The following CWC15 variants were observed in gnomAD, a reference collection of about 807,000 sequenced individuals.
The protein encoded by CWC15 is spliceosome-associated protein CWC15 homolog.
Under a neutral mutation model 28.4 loss-of-function variants are expected in CWC15, and 12 were observed. The observed-to-expected ratio is 0.42, with a 90% CI of 0.27 to 0.69. The LOEUF is 0.69. CWC15 is among the 30% of genes least tolerant of loss of function. The pLI, the probability that CWC15 is intolerant of heterozygous loss-of-function variation, is 0.23. For missense variants in CWC15, 192 were observed against 271.5 expected, an observed-to-expected ratio of 0.71 and a Z score of 2.06; for synonymous variants, 92 against 88.4, an observed-to-expected ratio of 1.04 and a Z score of -0.23.
At chr11:94,971,122 T>C (rs1405536018) in intron 3 of CWC15, 57 bp from the exon 4 acceptor site, 1 of 1,467,702 alleles carries the variant, frequency 6.8e-7, no homozygotes, top group African/African-American at 1.4e-5. Context: ...TTTCTTAAAA[T>C]GTTTTAGGGA....
chr11:94,964,439 A>G (rs587688855), intron 6 of CWC15, among the ~76,000 whole-genome samples: 4 of 152,368 alleles, frequency 2.6e-5, no homozygotes, highest in Admixed American at 1.3e-4. Flanking sequence ...GAGCAGATCA[A>G]TATGACTGGG....
intron 5 of CWC15, among the ~76,000 whole-genome samples, chr11:94,967,567 T>C (rs2134100452): frequency 6.6e-6 from 1 of 152,310 alleles, no homozygotes; most frequent in Non-Finnish European, 1.5e-5. Flanking sequence ...GATGACTTAA[T>C]AGATCAAGGA....
In CWC15 at chr11:94,967,855, C is replaced by T. The variant is rs187905778; in HGVS notation, c.442-1442G>A. On this transcript the variant is annotated intron_variant, in intron 5 of 6. Coordinates refer to ENST00000279839, the MANE Select transcript of CWC15 (RefSeq NM_016403.4). Reference sequence around the variant, plus strand: ...TATATTTATTTGTAACAAATTATACCGATGCTTAAAGGGAAAAGATATTTC... The same window carrying T: ...TATATTTATTTGTAACAAATTATACTGATGCTTAAAGGGAAAAGATATTTC... Among the ~76,000 whole-genome samples the T allele has an allele frequency of 1.9e-3, 286 of 151,978 alleles. 1 individual carries two copies. Among genetic ancestry groups the T allele is most frequent in the African/African-American group, 6.7e-3 (278 of 41,474 alleles).
intron 3 of CWC15, 31 bp downstream of exon 3, chr11:94,971,344 A>G: frequency 6.6e-7 from 1 of 1,511,382 alleles, no homozygotes; most frequent in Non-Finnish European, 9.1e-7. Flanking sequence ...ACATAATTTT[A>G]TGAGACAAAT....
chr11:94,970,780 T>A, intron 4 of CWC15, 197 bp downstream of exon 4: 1 of 569,966 alleles, frequency 1.8e-6, no homozygotes, highest in East Asian at 3.0e-5. Context: ...GAGATCAAAC[T>A]TGTTCTTAAA....
chr11:94,969,237 TA>T lies in CWC15; in HGVS notation c.441+751del, dbSNP rs1337498440. 7.2e-5 allele frequency among the ~76,000 whole-genome samples: 11 copies of T among 152,206 alleles called. No homozygotes were observed. In the East Asian group the frequency reaches 2.1e-3, roughly 29 times the overall value. On this transcript the variant is annotated intron_variant, in intron 5 of 6. Transcript: ENST00000279839. ...CAATTCCAACTCCTATCATACAAGC[TA>T]AGAGTCTCTTAATTGGGAGGATTAC...
Position 94,971,029 on chromosome 11 carries a change from C to T in CWC15, c.281G>A (p.Arg94Gln), listed in dbSNP as rs1268867996. 7 of 1,613,772 alleles carry T rather than the reference C, an allele frequency of 4.3e-6. No homozygotes were observed. Among genetic ancestry groups the T allele is most frequent in the Admixed American group, 3.3e-5 (2 of 60,014 alleles). ...TTSSSVSKKP[R>Q]LDQIPAANLD... ...GTTGGCGGCAGGAATCTGGTCTAAC[C>T]GTGGCTTTTTTGACACTGAAGAGGA... Residue 94 changes from arginine (R) to glutamine (Q), a missense_variant, in exon 4 of 7, where the codon CGG (arginine) becomes CAG (glutamine). Physicochemically the swap from Arg to Gln is conservative, Grantham distance 43. Around this residue, in one of 2 missense-constraint regions of CWC15, gnomAD observed 188 missense variants for 250.3 expected, o/e 0.75. Coordinates refer to ENST00000279839, the MANE Select transcript of CWC15 (RefSeq NM_016403.4).
intron 5 of CWC15, among the ~76,000 whole-genome samples, chr11:94,967,138 C>G (rs1279756362): frequency 6.6e-6 from 1 of 151,910 alleles, no homozygotes; most frequent in Non-Finnish European, 1.5e-5. Context: ...CTCCACCTCC[C>G]AGGTTCAAGT....
chr11:94,970,527 T>TA (rs1555096015), intron 4 of CWC15: 1 of 174,064 alleles, frequency 5.7e-6, no homozygotes, highest in African/African-American at 2.4e-5. Flanking sequence ...ACCTTCTGCT[T>TA]AGATTACTTC....
intron 5 of CWC15, among the ~76,000 whole-genome samples, 159 bp downstream of exon 5, chr11:94,969,830 A>T (rs1201959257): frequency 6.6e-6 from 1 of 152,182 alleles, no homozygotes; most frequent in Non-Finnish European, 1.5e-5. Flanking sequence ...GATACCTAGG[A>T]TGTCATAAAA....
intron 6 of CWC15, among the ~76,000 whole-genome samples, chr11:94,964,120 A>AATAC (rs1555094846): frequency 6.6e-6 from 1 of 152,144 alleles, no homozygotes; most frequent in Non-Finnish European, 1.5e-5. Flanking sequence ...ATAATGTATA[A>AATAC]GCACGAAAAA....
chr11:94,971,345 T>C (rs1857716579), intron 3 of CWC15, 30 bp downstream of exon 3: 1 of 1,514,584 alleles, frequency 6.6e-7, no homozygotes, highest in Non-Finnish European at 9.1e-7. Flanking sequence ...CATAATTTTA[T>C]GAGACAAATG....
intron 5 of CWC15, among the ~76,000 whole-genome samples, chr11:94,969,275 CCTAA>C (rs1555095785): frequency 6.6e-6 from 1 of 152,198 alleles, no homozygotes; most frequent in African/African-American, 2.4e-5. Flanking sequence ...GGAACAGCCT[CCTAA>C]CTCAGTTTTT....
At chr11:94,968,160 C>T (rs1298136857) in intron 5 of CWC15, among the ~76,000 whole-genome samples, 1 of 152,190 alleles carries the variant, frequency 6.6e-6, no homozygotes, top group Non-Finnish European at 1.5e-5. Flanking sequence ...CATTGCCACA[C>T]TTGTTCACTT....
chr11:94,964,181 G>A (rs906065428), intron 6 of CWC15, among the ~76,000 whole-genome samples: 57 of 151,922 alleles, frequency 3.8e-4, no homozygotes, highest in African/African-American at 1.3e-3. Context: ...AAAATAAAGA[G>A]CATGATTTCA....
intron 2 of CWC15, among the ~76,000 whole-genome samples, chr11:94,971,707 TATA>T (rs1209585452): frequency 3.3e-5 from 5 of 152,262 alleles, no homozygotes; most frequent in South Asian, 2.1e-4. Context: ...CATATTTTCC[TATA>T]ATAAGGCTTT....
intron 1 of CWC15, 128 bp from the exon 2 acceptor site, chr11:94,972,321 A>C (rs1254566754): frequency 1.1e-6 from 1 of 906,270 alleles, no homozygotes; most frequent in East Asian, 2.6e-5. Flanking sequence ...TAATCTTCTT[A>C]AACAAAAGTT....
intron 1 of CWC15, among the ~76,000 whole-genome samples, chr11:94,973,049 G>GGC (rs1555096464): frequency 2.7e-5 from 4 of 150,572 alleles, no homozygotes; most frequent in African/African-American, 4.9e-5. Context: ...GGATTTTTTG[G>GGC]GGGGGGGGCG....
At chr11:94,969,948 T>C (rs1473410004) in intron 5 of CWC15, 41 bp downstream of exon 5, 1 of 1,329,802 alleles carries the variant, frequency 7.5e-7, no homozygotes, top group South Asian at 1.6e-5. Flanking sequence ...CCTTAGTGTA[T>C]GTGAGAAGAT....
Sources: allele counts gnomAD v4.1 joint callset (sites outside exome capture counted in the v4.1 genomes callset), GRCh38; gene constraint gnomAD v4.1.1; regional missense constraint gnomAD v4.1.1; transcripts MANE v1.5; gene names NCBI Gene and HGNC (gene_info 2026-07-23, HGNC 2026-07-21).